USP36: variants seen among roughly 807,000 people sequenced by gnomAD.
The protein encoded by USP36 is ubiquitin carboxyl-terminal hydrolase 36.
USP36 carries 59 observed loss-of-function variants against 111.5 expected under a neutral mutation model. The observed-to-expected ratio is 0.53, with a 90% CI of 0.43 to 0.66. The LOEUF is 0.66. Ranked by LOEUF, USP36 falls within the 30% of genes least tolerant of loss-of-function variation. USP36 has a pLI of 0.00. For synonymous variants in USP36, 628 were observed against 581.0 expected, an observed-to-expected ratio of 1.08 and a Z score of -1.16; for missense variants, 1,488 against 1,468.0, an observed-to-expected ratio of 1.01 and a Z score of -0.22.
At chr17:78,817,067 C>A (rs2094206292) in intron 10 of USP36, among the ~76,000 whole-genome samples, 1 of 152,320 alleles carries the variant, frequency 6.6e-6, no homozygotes. Flanking sequence ...TATAATACTG[C>A]ATTTTCACTG....
At position 78,798,318 on chromosome 17, in the gene USP36, GCCACACCCCA is replaced by G; in HGVS notation, c.*20+72_*20+81del. ...CAGCCCACATACATCATACACACAC[GCCACACCCCA>G]CCACACCCCTACACACATACACGGC... is the stretch of plus-strand genomic sequence containing the variant. On this transcript the variant is annotated intron_variant, in intron 20 of 20. Transcript: ENST00000449938. The surrounding 1 kb of genome is among the most constrained non-coding windows in gnomAD (Gnocchi z 5.1). 2 of 1,537,830 alleles carry G rather than the reference GCCACACCCCA, an allele frequency of 1.3e-6. No homozygotes were observed.
In USP36 at chr17:78,806,016, C is replaced by A. The variant is rs2054624; in HGVS notation, c.2216+140G>T. ...AGAAGAGGGGGATCTTGGTCAGTGA[C>A]GCCCCCCTGTACCTCCTGGCTGCCC... On this transcript the variant is annotated intron_variant, in intron 15 of 20. Coordinates refer to ENST00000449938, the MANE Select transcript of USP36 (RefSeq NM_001385174.1). 1.4e-5 allele frequency: 20 copies of A among 1,418,886 alleles called. No homozygotes were observed. The African/African-American group carries it at 2.5e-4, about 18-fold the overall frequency. 87.9% of individuals were successfully genotyped at this position (1,418,886 alleles called of 1,614,324 possible). A position where few individuals can be genotyped will look rare whatever the true frequency, so the allele number is the denominator to read the frequency against.
chr17:78,834,017 C>T (rs1171280395), intron 4 of USP36, among the ~76,000 whole-genome samples: 1 of 152,098 alleles, frequency 6.6e-6, no homozygotes, highest in Non-Finnish European at 1.5e-5. Context: ...GAGGCCAAGG[C>T]GGTTGGATCA....
chr17:78,799,803 G>T (rs199516494), intron 17 of USP36, 35 bp from the exon 18 acceptor site: 3 of 1,488,760 alleles, frequency 2.0e-6, no homozygotes, highest in Non-Finnish European at 2.7e-6. Flanking sequence ...ATTTACAGAC[G>T]TTTAAAATAA....
At chr17:78,819,387 C>G (rs559976378) in intron 9 of USP36, among the ~76,000 whole-genome samples, 1 of 152,326 alleles carries the variant, frequency 6.6e-6, no homozygotes, top group East Asian at 1.9e-4. Flanking sequence ...GCCTGGCCAA[C>G]AAGGTGAAAC....
chr17:78,812,933 C>G lies in USP36; in HGVS notation c.1334G>C (p.Arg445Pro). The change falls in exon 13 of 21, where the codon CGC (arginine) becomes CCC (proline). Residue 445 changes from arginine (R) to proline (P), a missense_variant. By Grantham distance (103) the Arg-to-Pro change is moderately radical. Transcript: ENST00000449938. ...SRTGSSSLPG[R>P]PSVIPDHSKK... is the part of the protein sequence containing the mutation. Reference sequence around the variant, plus strand: ...GGAGTGATCTGGAATCACACTCGGGCGGCCGGGAAGGGAGGAGGAGCCTGT... The same window carrying G: ...GGAGTGATCTGGAATCACACTCGGGGGGCCGGGAAGGGAGGAGGAGCCTGT... 6.2e-6 allele frequency: 10 copies of G among 1,613,840 alleles called. No homozygotes were observed. The highest frequency in any genetic ancestry group is 2.2e-5 in the East Asian group (1 of 44,856).
intron 15 of USP36, 126 bp downstream of exon 15, chr17:78,806,021 CCCTGTACCT>C: frequency 6.8e-7 from 1 of 1,475,996 alleles, no homozygotes; most frequent in Non-Finnish European, 9.2e-7. Flanking sequence ...AGTGACGCCC[CCCTGTACCT>C]CCTGGCTGCC....
chr17:78,818,822 T>C (rs1449484676), intron 9 of USP36, 44 bp from the exon 10 acceptor site: 2 of 1,603,204 alleles, frequency 1.2e-6, no homozygotes. Flanking sequence ...GATTGATTCG[T>C]GCTCTGAAAA....
At chr17:78,827,782 G>C (rs1204619869) in intron 5 of USP36, among the ~76,000 whole-genome samples, 3 of 152,166 alleles carry the variant, frequency 2.0e-5, no homozygotes, top group African/African-American at 7.2e-5. Flanking sequence ...GATGGCATGT[G>C]CCTGTAGTCC....
At chr17:78,835,228 T>C in intron 4 of USP36, 52 bp downstream of exon 4, 1 of 1,569,602 alleles carries the variant, frequency 6.4e-7, no homozygotes, top group Non-Finnish European at 8.7e-7. Flanking sequence ...TGCATGGGCT[T>C]ATCTAATCCA....
Position 78,827,178 on chromosome 17 carries a change from A to C in USP36, c.689+67T>G, listed in dbSNP as rs3744791. The C allele has an allele frequency of 5.9e-3, 7,429 of 1,266,500 alleles. 329 individuals are homozygous for C. In the East Asian group the frequency reaches 0.2, roughly 35 times the overall value. The allele number at this position is 1,266,500 out of a possible 1,614,324, so 78.5% of individuals were successfully genotyped here. A position where few individuals can be genotyped will look rare whatever the true frequency, so the allele number is the denominator to read the frequency against. ...TGCCGGGCTGGCTGTTGCCATAGGA[A>C]TGTTCTGCTGCCACCATGTAGAAAA... On this transcript the variant is annotated intron_variant, in intron 6 of 20. Coordinates refer to ENST00000449938, the MANE Select transcript of USP36 (RefSeq NM_001385174.1).
chr17:78,835,798 C>A (rs1400158026), intron 3 of USP36, among the ~76,000 whole-genome samples: 1 of 152,212 alleles, frequency 6.6e-6, no homozygotes, highest in African/African-American at 2.4e-5. Flanking sequence ...CTGCACCACA[C>A]TGTGCCCACA....
intron 4 of USP36, among the ~76,000 whole-genome samples, chr17:78,830,179 T>C (rs1369959196): frequency 6.6e-6 from 1 of 152,264 alleles, no homozygotes; most frequent in Non-Finnish European, 1.5e-5. Flanking sequence ...TAGGCAATTA[T>C]CGTTCTCATT....
downstream of USP36, chr17:78,792,161 G>A (rs1056848736): frequency 6.6e-6 from 1 of 152,378 alleles, no homozygotes. Context: ...GAACCACAGA[G>A]AGTCAACACA....
intron 4 of USP36, among the ~76,000 whole-genome samples, chr17:78,832,670 C>A (rs1194000875): frequency 3.9e-5 from 6 of 152,176 alleles, no homozygotes; most frequent in Non-Finnish European, 8.8e-5. Flanking sequence ...TGCAGAGAAA[C>A]CAAGAATGGA....
Position 78,796,404 on chromosome 17 carries a change from G to A in USP36, c.*1496C>T, listed in dbSNP as rs2093629231. On this transcript the variant is annotated 3_prime_UTR_variant, in exon 21 of 21. Coordinates refer to ENST00000449938, the MANE Select transcript of USP36 (RefSeq NM_001385174.1). ...AGGCCCTCATCTTTGAACATTCAGA[G>A]ACTGGTCCGCAGGAGAGGGCACCCT... 6.6e-6 allele frequency: 1 copy of A among 152,090 alleles called. No individual in the cohort carries two copies. The highest frequency in any genetic ancestry group is 2.4e-5 in the African/African-American group (1 of 41,384). 9.4% of individuals were successfully genotyped at this position (152,090 alleles called of 1,614,324 possible).
intron 13 of USP36, 135 bp downstream of exon 13, chr17:78,812,725 A>G (rs1202225963): frequency 1.2e-6 from 1 of 813,736 alleles, no homozygotes; most frequent in African/African-American, 1.7e-5. Flanking sequence ...AAAAGAAAAG[A>G]AAAGAAATAA....
Position 78,818,736 on chromosome 17 carries a change from G to C in USP36, c.954C>G (p.His318Gln). ...AAAGGGTTAAGACGTTGGATGTTCT[G>C]TGGATGGTGAAGCGCTTGCTGGCTG... The part of the protein sequence containing the change: ...KVPASKRFTI[H>Q]RTSNVLTLSL... Residue 318 changes from histidine (H) to glutamine (Q), a missense_variant, in exon 10 of 21, where the codon CAC becomes CAG. By Grantham distance (24) the His-to-Gln change is conservative. This residue lies in a region of USP36 where 196 missense variants were observed against 264.4 expected (regional missense o/e 0.74). Transcript: ENST00000449938. 6.2e-7 allele frequency: 1 copy of C among 1,614,094 alleles called. No individual in the cohort carries two copies. The highest frequency in any genetic ancestry group is 8.5e-7 in the Non-Finnish European group (1 of 1,179,948).
At position 78,807,488 on chromosome 17, in the gene USP36, G is replaced by A. The variant is rs1332119116; in HGVS notation, c.1556C>T (p.Ser519Phe). ...LPSGSPSPKL[S>F]QTPTHMPTIL... Reference sequence around the variant, plus strand: ...GGTTGGCATGTGTGTGGGTGTCTGGGAGAGTTTGGGGGAAGGGGACCCCGA... The same window carrying A: ...GGTTGGCATGTGTGTGGGTGTCTGGAAGAGTTTGGGGGAAGGGGACCCCGA... The change falls in exon 14 of 21, where the codon TCC (serine) becomes TTC (phenylalanine). Residue 519 changes from serine (S) to phenylalanine (F), a missense_variant. Ser to Phe is a radical substitution (Grantham distance 155, BLOSUM62 -2). Around this residue, in one of 3 missense-constraint regions of USP36, gnomAD observed 1,073 missense variants for 994.1 expected, o/e 1.08. Transcript: ENST00000449938. 2 of 1,614,062 alleles carry A rather than the reference G, an allele frequency of 1.2e-6. No individual in the cohort carries two copies. The highest frequency in any genetic ancestry group is 2.2e-5 in the East Asian group (1 of 44,880).
Sources: gnomAD v4.1 joint callset for allele counts (sites outside exome capture counted in the v4.1 genomes callset) on GRCh38, gnomAD v4.1.1 for gene constraint, gnomAD v4.1.1 regional missense constraint, Gnocchi (gnomAD v3.1) non-coding constraint, MANE v1.5 for transcripts, NCBI Gene and HGNC (gene_info 2026-07-23, HGNC 2026-07-21) for gene names.